Variants in SRGAP2B observed in about 807,000 individuals in gnomAD.
SRGAP2B encodes SLIT-ROBO Rho GTPase-activating protein 2B.
A neutral mutation model predicts 22.2 loss-of-function variants in SRGAP2B; 9 were observed. The observed-to-expected ratio is 0.41, with a 90% confidence interval of 0.24 to 0.71. The LOEUF is 0.71. SRGAP2B is among the 30% of genes least tolerant of loss of function. The pLI, the probability that SRGAP2B is intolerant of heterozygous loss-of-function variation, is 0.35. For missense variants in SRGAP2B, 114 were observed against 235.8 expected (o/e 0.48, Z 3.38); for synonymous variants, 36 against 87.4 (o/e 0.41, Z 3.28).
intron 3 of SRGAP2B, among the ~76,000 whole-genome samples, chr1:144,984,506 T>C (rs1168152120): frequency 6.6e-6 from 1 of 150,428 alleles, no homozygotes; most frequent in Non-Finnish European, 1.5e-5. Context: ...ATCCCATCAG[T>C]CAGCAATTCC....
chr1:144,953,934 C>T (rs1439726723), intron 4 of SRGAP2B, among the ~76,000 whole-genome samples: 21 of 145,826 alleles, frequency 1.4e-4, no homozygotes, highest in East Asian at 2.0e-4. Context: ...GTCATAGAGA[C>T]GAGCTGTCAA....
At chr1:144,997,186 T>C (rs1670748429) in intron 2 of SRGAP2B, among the ~76,000 whole-genome samples, 2 of 150,410 alleles carry the variant, frequency 1.3e-5, no homozygotes, top group Non-Finnish European at 2.9e-5. Context: ...CCCAGCACTT[T>C]GGGAGGCCGA....
At chr1:145,009,624 A>T (rs1481250397) in intron 2 of SRGAP2B, among the ~76,000 whole-genome samples, 1 of 148,874 alleles carries the variant, frequency 6.7e-6, no homozygotes, top group African/African-American at 2.5e-5. Context: ...TGAGCTGATG[A>T]TTATCAAAGT....
intron 3 of SRGAP2B, among the ~76,000 whole-genome samples, chr1:144,964,841 C>G: frequency 6.6e-6 from 1 of 151,142 alleles, no homozygotes; most frequent in Non-Finnish European, 1.5e-5. Flanking sequence ...ATCGCTTGAG[C>G]CCAGGAGCTT....
chr1:144,912,998 T>G (rs1421282364), intron 5 of SRGAP2B, among the ~76,000 whole-genome samples: 2 of 127,984 alleles, frequency 1.6e-5, no homozygotes, highest in Non-Finnish European at 3.2e-5. Flanking sequence ...GTCTTAAGTC[T>G]GCAGTCAGAG....
intron 3 of SRGAP2B, among the ~76,000 whole-genome samples, chr1:144,990,922 G>A (rs1472024821): frequency 2.6e-5 from 4 of 151,020 alleles, no homozygotes; most frequent in Non-Finnish European, 5.9e-5. Flanking sequence ...CGCCATGTCT[G>A]AGCCTCCCAC....
At chr1:145,021,901 C>T (rs1481427206) in intron 2 of SRGAP2B, among the ~76,000 whole-genome samples, 1 of 141,308 alleles carries the variant, frequency 7.1e-6, no homozygotes, top group African/African-American at 2.7e-5. Flanking sequence ...CCTGGAACTT[C>T]AACAGGACTA....
chr1:144,905,250 T>C (rs1328931633), intron 6 of SRGAP2B, 31 bp from the exon 7 acceptor site: 16 of 551,072 alleles, frequency 2.9e-5, no homozygotes, highest in Non-Finnish European at 4.8e-5. Context: ...CACTTTTACC[T>C]TTTTTTTTTA....
At chr1:144,889,288 G>C (rs1161153630) in exon 10 of SRGAP2B, 1 of 144,156 alleles carries the variant, frequency 6.9e-6, no homozygotes, top group African/African-American at 2.7e-5. Flanking sequence ...TGAGAAGGTT[G>C]GGTTAGGTAA....
intron 2 of SRGAP2B, among the ~76,000 whole-genome samples, chr1:145,081,475 G>T (rs1553634713): frequency 2.0e-5 from 3 of 150,024 alleles, no homozygotes; most frequent in Non-Finnish European, 4.4e-5. Flanking sequence ...CAAGCTTTCT[G>T]CCTCCCAATC....
intron 3 of SRGAP2B, among the ~76,000 whole-genome samples, chr1:144,994,335 G>A (rs1570955026): frequency 7.1e-6 from 1 of 140,434 alleles, no homozygotes; most frequent in Non-Finnish European, 1.5e-5. Flanking sequence ...CTAAACTAGG[G>A]CAATGGCACT....
chr1:144,925,740 A>AAAGG lies in SRGAP2B; in HGVS notation c.424-10987_424-10986insCCTT, dbSNP rs1664650188. 3.8e-5 allele frequency among the ~76,000 whole-genome samples: 4 copies of AAAGG among 105,750 alleles called. No homozygotes were observed. The Middle Eastern group carries it at 0.017, about 452-fold the overall frequency. The allele number at this position is 105,750 out of a possible 152,430, so 69.4% of individuals were successfully genotyped here. ...AGAGAGAGAAAGAAAAGAAAGAAAG[A>AAAGG]AAGAAAGAAAGAAAGAAAGAAAGAA... On this transcript the variant is annotated intron_variant, in intron 4 of 9. Transcript: ENST00000612199.
intron 2 of SRGAP2B, among the ~76,000 whole-genome samples, chr1:145,012,452 C>T (rs1672126875): frequency 7.0e-6 from 1 of 143,506 alleles, no homozygotes; most frequent in African/African-American, 2.7e-5. Context: ...AAAGGAAACC[C>T]ATCAAAAATC....
intron 4 of SRGAP2B, among the ~76,000 whole-genome samples, chr1:144,952,516 A>C (rs1488155685): frequency 3.4e-5 from 5 of 148,758 alleles, no homozygotes; most frequent in Non-Finnish European, 5.9e-5. Context: ...TTTTTTTTTT[A>C]GGAGTCAGGG....
chr1:145,032,222 C>T (rs1233266369), intron 2 of SRGAP2B, among the ~76,000 whole-genome samples: 2 of 132,382 alleles, frequency 1.5e-5, no homozygotes, highest in East Asian at 4.3e-4. Context: ...TAACACAGCA[C>T]TTCACATCAC....
chr1:145,036,024 G>A (rs1188312489), intron 2 of SRGAP2B, among the ~76,000 whole-genome samples: 7 of 134,618 alleles, frequency 5.2e-5, no homozygotes, highest in African/African-American at 1.2e-4. Flanking sequence ...TAATACATGC[G>A]AACAAAAGCA....
In SRGAP2B at chr1:144,944,387, A is replaced by G. The variant is rs587745374; in HGVS notation, c.423+11052T>C. ...GAAGGGGAAGGATCATTTGAGCCCC[A>G]GAGTTCAAGCCTAGCCTGGGCACCA... is the stretch of plus-strand genomic sequence containing the variant. On this transcript the variant is annotated intron_variant, in intron 4 of 9. Transcript: ENST00000612199. Among the ~76,000 whole-genome samples the G allele has an allele frequency of 3.3e-5, 5 of 150,066 alleles. 1 individual carries two copies. Among genetic ancestry groups the G allele is most frequent in the South Asian group, 2.1e-4 (1 of 4,790 alleles).
rs781797962 is a variant in SRGAP2B, at chr1:145,009,566, C to G, written c.68-14366G>C. 3.0e-3 allele frequency among the ~76,000 whole-genome samples: 435 copies of G among 143,384 alleles called. 2 individuals carry two copies. The highest frequency in any genetic ancestry group is 4.9e-3 in the Non-Finnish European group (324 of 66,586). The allele number at this position is 143,384 out of a possible 152,430, so 94.1% of individuals were successfully genotyped here. A position where few individuals can be genotyped will look rare whatever the true frequency, so the allele number is the denominator to read the frequency against. On this transcript the variant is annotated intron_variant, in intron 2 of 9. Coordinates refer to ENST00000612199, the Ensembl canonical transcript of SRGAP2B. ...TCCCGCCACTGCACTCCAGCCTGGG[C>G]GACAGAGCGAGACTCCGTCTCAAAA...
At chr1:144,902,693 C>T (rs1662722420) in intron 7 of SRGAP2B, among the ~76,000 whole-genome samples, 1 of 144,916 alleles carries the variant, frequency 6.9e-6, no homozygotes, top group African/African-American at 2.6e-5. Flanking sequence ...ACCTGGGAGG[C>T]GGAGCTTGCA....
Sources: allele counts gnomAD v4.1 joint callset (sites outside exome capture counted in the v4.1 genomes callset), GRCh38; gene constraint gnomAD v4.1.1; transcripts MANE v1.5; gene names NCBI Gene and HGNC (gene_info 2026-07-23, HGNC 2026-07-21).